The following AUTS2 variants were observed in gnomAD, a reference collection of about 807,000 sequenced individuals.
AUTS2 encodes activator of transcription and developmental regulator AUTS2.
A neutral mutation model predicts 112.4 loss-of-function variants in AUTS2; 17 were observed. The ratio of observed to expected loss-of-function variants is 0.15; its 90% CI spans 0.10 to 0.23. AUTS2 has a LOEUF of 0.23. AUTS2 is among the 10% of genes least tolerant of loss of function. The pLI, the probability that AUTS2 is intolerant of heterozygous loss-of-function variation, is 1.00. For missense variants in AUTS2, 1,510 were observed against 1,701.6 expected (o/e 0.89, Z 1.98); for synonymous variants, 751 against 702.7 (o/e 1.07, Z -1.09).
chr7:70,380,370 A>G (rs1472023599), intron 4 of AUTS2, among the ~76,000 whole-genome samples: 1 of 152,162 alleles, frequency 6.6e-6, no homozygotes, highest in Non-Finnish European at 1.5e-5. Context: ...TCAGCTGCAT[A>G]TGTTGGTTCT....
At chr7:70,131,132 A>C (rs1007778161) in intron 3 of AUTS2, among the ~76,000 whole-genome samples, 2 of 152,124 alleles carry the variant, frequency 1.3e-5, no homozygotes, top group Non-Finnish European at 2.9e-5. Context: ...AAGCAAAAAA[A>C]TGGAAGTCCT....
At chr7:69,776,021 C>T (rs529055856) in intron 1 of AUTS2, among the ~76,000 whole-genome samples, 1 of 152,302 alleles carries the variant, frequency 6.6e-6, no homozygotes, top group African/African-American at 2.4e-5. Flanking sequence ...CCTTGGGTCA[C>T]TCCTGTGGTC....
intron 1 of AUTS2, among the ~76,000 whole-genome samples, chr7:69,821,118 T>C (rs908824718): frequency 1.3e-5 from 2 of 152,162 alleles, no homozygotes; most frequent in African/African-American, 2.4e-5. Flanking sequence ...TCAACATAGA[T>C]TCAGTGCCCA....
intron 1 of AUTS2, among the ~76,000 whole-genome samples, chr7:69,657,974 A>T (rs1380451764): frequency 6.6e-6 from 1 of 152,258 alleles, no homozygotes; most frequent in Non-Finnish European, 1.5e-5. Flanking sequence ...AAACCAGGCC[A>T]CTACCTGTTT....
intron 1 of AUTS2, among the ~76,000 whole-genome samples, chr7:69,622,631 C>G (rs1391726411): frequency 6.6e-6 from 1 of 152,168 alleles, no homozygotes. Flanking sequence ...GACCCAGAAT[C>G]CCATGTGGCC....
chr7:69,946,800 TA>T (rs1796832560), intron 2 of AUTS2, among the ~76,000 whole-genome samples: 2 of 152,238 alleles, frequency 1.3e-5, no homozygotes, highest in Non-Finnish European at 2.9e-5. Flanking sequence ...ACGAAGTATA[TA>T]AAGTGCTTTA....
chr7:70,288,139 G>A (rs1328629637), intron 4 of AUTS2, among the ~76,000 whole-genome samples: 2 of 152,168 alleles, frequency 1.3e-5, no homozygotes, highest in Admixed American at 6.5e-5. Context: ...CAGGCCAGAC[G>A]CGGTGACTCA....
At chr7:69,615,362 G>C (rs1031141023) in intron 1 of AUTS2, among the ~76,000 whole-genome samples, 2 of 152,088 alleles carry the variant, frequency 1.3e-5, no homozygotes, top group African/African-American at 2.4e-5. Flanking sequence ...GAGTGCAGTG[G>C]CATGATCTTG....
chr7:70,578,555 G>A (rs1192994947), intron 5 of AUTS2, among the ~76,000 whole-genome samples: 1 of 152,186 alleles, frequency 6.6e-6, no homozygotes, highest in Non-Finnish European at 1.5e-5. Context: ...ATAAACGTTA[G>A]TAAACTAGAG....
chr7:70,528,093 A>ATTTTTTTT (rs10651355), intron 5 of AUTS2, among the ~76,000 whole-genome samples: 2,400 of 96,832 alleles, frequency 0.025, 58 homozygotes, highest in African/African-American at 0.04. Flanking sequence ...AAATTTAAGG[A>ATTTTTTTT]TTTTTTTTTT....
At chr7:69,972,393 A>G (rs1026673059) in intron 2 of AUTS2, among the ~76,000 whole-genome samples, 1 of 152,056 alleles carries the variant, frequency 6.6e-6, no homozygotes, top group Non-Finnish European at 1.5e-5. Flanking sequence ...ATTTTCTTCT[A>G]ATTTATAGCT....
chr7:69,821,916 CAAAAA>C (rs34912846), intron 1 of AUTS2, among the ~76,000 whole-genome samples: 1 of 76,798 alleles, frequency 1.3e-5, no homozygotes, highest in East Asian at 3.9e-4. Context: ...ACAGGGTCTC[CAAAAA>C]AAAAAAAAAA....
intron 5 of AUTS2, among the ~76,000 whole-genome samples, chr7:70,456,460 A>G (rs1161946220): frequency 6.6e-6 from 1 of 152,238 alleles, no homozygotes. Flanking sequence ...TTTAGCATTA[A>G]TTAATGCCCA....
chr7:70,433,929 T>C (rs1489095381), intron 4 of AUTS2, among the ~76,000 whole-genome samples: 1 of 152,222 alleles, frequency 6.6e-6, no homozygotes, highest in African/African-American at 2.4e-5. Context: ...ATAAGGTAAC[T>C]TAGTGTTTTC....
chr7:70,281,046 G>A (rs1584968472), intron 4 of AUTS2, among the ~76,000 whole-genome samples: 1 of 152,200 alleles, frequency 6.6e-6, no homozygotes, highest in East Asian at 1.9e-4. Context: ...GTCTCTGTGT[G>A]TGTGGAAAGT....
chr7:70,345,918 G>A (rs1791474663), intron 4 of AUTS2, among the ~76,000 whole-genome samples: 1 of 152,128 alleles, frequency 6.6e-6, no homozygotes. Flanking sequence ...CCAGATAGTT[G>A]AGGTCCCAGT....
At chr7:70,590,120 ATTTG>A (rs1428282432) in intron 5 of AUTS2, among the ~76,000 whole-genome samples, 1 of 113,470 alleles carries the variant, frequency 8.8e-6, no homozygotes, top group African/African-American at 3.4e-5. Context: ...TTGTTTTTGC[ATTTG>A]TGTGTGTGTG....
intron 1 of AUTS2, among the ~76,000 whole-genome samples, chr7:69,838,886 A>G (rs1791844362): frequency 6.6e-6 from 1 of 152,178 alleles, no homozygotes; most frequent in Admixed American, 6.5e-5. Context: ...GACTCACAGT[A>G]GGGATATGAT....
intron 2 of AUTS2, among the ~76,000 whole-genome samples, chr7:70,113,171 A>G (rs945585852): frequency 6.6e-6 from 1 of 152,160 alleles, no homozygotes; most frequent in Non-Finnish European, 1.5e-5. Context: ...ACAACTTGGC[A>G]CTGTACACTT....
Sources: gnomAD v4.1 joint callset for allele counts (sites outside exome capture counted in the v4.1 genomes callset) on GRCh38, gnomAD v4.1.1 for gene constraint, MANE v1.5 for transcripts, NCBI Gene and HGNC (gene_info 2026-07-23, HGNC 2026-07-21) for gene names.